The following HMGCLL1 variants were observed in gnomAD, a reference collection of about 807,000 sequenced individuals.
The protein encoded by HMGCLL1 is 3-hydroxymethyl-3-methylglutaryl-CoA lyase, cytoplasmic.
A neutral mutation model predicts 39.1 loss-of-function variants in HMGCLL1; 36 were observed. That is an observed-to-expected ratio of 0.92 (90% confidence interval 0.71 to 1.22). The LOEUF (loss-of-function observed/expected upper bound fraction) is 1.22, where lower values mean the gene tolerates loss of function less well. Among genes scored for constraint, HMGCLL1 ranks in the 50% most tolerant of loss-of-function variants. The probability of loss-of-function intolerance (pLI) is 0.00; values close to 1 mark genes in which losing one functional copy is unlikely to be tolerated. For missense variants in HMGCLL1, 451 were observed against 416.5 expected, an observed-to-expected ratio of 1.08 and a Z score of -0.72; for synonymous variants, 149 against 144.0, an observed-to-expected ratio of 1.03 and a Z score of -0.25.
the HMGCLL1 span, among the ~76,000 whole-genome samples, chr6:55,653,684 T>C: frequency 6.6e-6 from 1 of 151,932 alleles, no homozygotes; most frequent in Non-Finnish European, 1.5e-5. Flanking sequence ...GCAGAGCCCT[T>C]AAGGTATTAC....
At chr6:55,616,626 C>T in the HMGCLL1 span, among the ~76,000 whole-genome samples, 940 of 152,098 alleles carry the variant, frequency 6.2e-3, 13 homozygotes, top group African/African-American at 0.021. Context: ...GTAATGAGAT[C>T]GAATATTGAA....
At chr6:55,607,153 C>T in the HMGCLL1 span, among the ~76,000 whole-genome samples, 1 of 152,034 alleles carries the variant, frequency 6.6e-6, no homozygotes, top group Non-Finnish European at 1.5e-5. Context: ...TGTTGTTATG[C>T]TTTGAATGGA....
rs546873861 is a variant in HMGCLL1 at position 55,574,532 on chromosome 6, T to C, written c.108+4416A>G. Among the ~76,000 whole-genome samples, 8 of 151,808 alleles carry C rather than the reference T, an allele frequency of 5.3e-5. No individual in the cohort carries two copies. In the East Asian group the frequency reaches 1.2e-3, roughly 22 times the overall value. Reference sequence around the variant, plus strand: ...TAAGGGTATAGTAAAAAAAAGTATATCACTAACATGTCAATTCAGGGGGAA... The same window carrying C: ...TAAGGGTATAGTAAAAAAAAGTATACCACTAACATGTCAATTCAGGGGGAA... On this transcript the variant is annotated intron_variant, in intron 1 of 8. Transcript: ENST00000274901.
chr6:55,624,232 C>A, the HMGCLL1 span, among the ~76,000 whole-genome samples: 1 of 152,162 alleles, frequency 6.6e-6, no homozygotes, highest in Non-Finnish European at 1.5e-5. Flanking sequence ...CCATTCAACT[C>A]TCCCATTTGA....
the HMGCLL1 span, among the ~76,000 whole-genome samples, chr6:55,610,552 T>A: frequency 6.6e-6 from 1 of 152,034 alleles, no homozygotes; most frequent in Admixed American, 6.6e-5. Context: ...ACTGAACCTA[T>A]GACTGAATGG....
chr6:55,529,801 G>T (rs138682249), intron 3 of HMGCLL1, among the ~76,000 whole-genome samples: 2 of 151,838 alleles, frequency 1.3e-5, no homozygotes, highest in African/African-American at 4.8e-5. Flanking sequence ...TATGGTTATC[G>T]ATAGCAACTA....
At chr6:55,516,473 C>A in intron 4 of HMGCLL1, 35 bp downstream of exon 4, 1 of 1,282,162 alleles carries the variant, frequency 7.8e-7, no homozygotes, top group Non-Finnish European at 1.1e-6. Flanking sequence ...CGATAAGAGG[C>A]CTATCAATTT....
chr6:55,538,668 T>G (rs1254609251), intron 3 of HMGCLL1, among the ~76,000 whole-genome samples: 9 of 152,188 alleles, frequency 5.9e-5, no homozygotes, highest in African/African-American at 2.2e-4. Context: ...ATGGTATTGT[T>G]CTCTCAGACT....
chr6:55,602,048 A>C, the HMGCLL1 span, among the ~76,000 whole-genome samples: 1 of 151,982 alleles, frequency 6.6e-6, no homozygotes, highest in Admixed American at 6.6e-5. Context: ...ATTTTGATAA[A>C]ATGCCCCGTT....
At chr6:55,573,603 A>G (rs1301531309) in intron 1 of HMGCLL1, among the ~76,000 whole-genome samples, 1 of 152,142 alleles carries the variant, frequency 6.6e-6, no homozygotes, top group East Asian at 1.9e-4. Context: ...GAAATTACTG[A>G]AATGGAATAT....
chr6:55,670,258 C>A, the HMGCLL1 span, among the ~76,000 whole-genome samples: 1 of 151,642 alleles, frequency 6.6e-6, no homozygotes, highest in Non-Finnish European at 1.5e-5. Context: ...AAAAAAATAT[C>A]CTTCCATAAT....
Position 55,464,720 on chromosome 6 carries a change from C to A in HMGCLL1, c.796-25161G>T, listed in dbSNP as rs149155801. On this transcript the variant is annotated intron_variant, in intron 7 of 8. Transcript: ENST00000274901. ...TCCCCTACCCTCTCCTTCTTTCTAG[C>A]CTTTTTGGAATTACGTGTTTGCTAC... 6.6e-4 allele frequency among the ~76,000 whole-genome samples: 101 copies of A among 152,264 alleles called. 2 individuals are homozygous for A. In the East Asian group the frequency reaches 0.017, roughly 26 times the overall value.
At chr6:55,633,891 G>A in the HMGCLL1 span, among the ~76,000 whole-genome samples, 2 of 152,028 alleles carry the variant, frequency 1.3e-5, no homozygotes, top group East Asian at 1.9e-4. Flanking sequence ...TTGTTTTTAA[G>A]TCAAATTCCT....
At chr6:55,608,906 T>A in the HMGCLL1 span, among the ~76,000 whole-genome samples, 14 of 152,262 alleles carry the variant, frequency 9.2e-5, no homozygotes, top group African/African-American at 3.1e-4. Context: ...ACTGATTAGA[T>A]GGTTAGTGTG....
rs1770287647 is a variant in HMGCLL1 at position 55,550,838 on chromosome 6, TAGTA to T, written c.109-8702_109-8699del. Among the ~76,000 whole-genome samples, 7 of 151,588 alleles carry T rather than the reference TAGTA, an allele frequency of 4.6e-5. No homozygotes were observed. In the South Asian group the frequency reaches 1.2e-3, roughly 27 times the overall value. On this transcript the variant is annotated intron_variant, in intron 1 of 8. Transcript: ENST00000274901. ...AAAATTGCTGGGCACTACTGGCATC[TAGTA>T]GGGTAAAAATCTTACAATGCACAAG...
chr6:55,643,261 G>A, the HMGCLL1 span, among the ~76,000 whole-genome samples: 1 of 152,046 alleles, frequency 6.6e-6, no homozygotes, highest in Non-Finnish European at 1.5e-5. Context: ...TCCACCAATA[G>A]TGTGTAAGTG....
the HMGCLL1 span, among the ~76,000 whole-genome samples, chr6:55,675,486 AT>A: frequency 6.6e-6 from 1 of 152,172 alleles, no homozygotes; most frequent in African/African-American, 2.4e-5. Flanking sequence ...GTCAGTGGCC[AT>A]ATTCAAACTG....
the HMGCLL1 span, among the ~76,000 whole-genome samples, chr6:55,674,816 G>C: frequency 8.6e-5 from 13 of 152,020 alleles, no homozygotes; most frequent in Non-Finnish European, 1.6e-4. Context: ...ATGTCCAACA[G>C]CTGTTCTCTT....
In HMGCLL1 at chr6:55,499,341, T is replaced by C. The variant is rs767637683; in HGVS notation, c.543-42A>G. On this transcript the variant is annotated intron_variant, in intron 5 of 8. Coordinates refer to ENST00000274901, the MANE Select transcript of HMGCLL1 (RefSeq NM_001042406.2). ...GCCTTATAAATATGCATATGGTAAA[T>C]AAGCCATTTCCATTTTATAAAAATT... 70 of 1,404,168 alleles carry C rather than the reference T, an allele frequency of 5.0e-5. No homozygotes were observed. The East Asian group carries it at 1.6e-3, about 33-fold the overall frequency. The allele number at this position is 1,404,168 out of a possible 1,614,324, so 87.0% of individuals were successfully genotyped here. A position where few individuals can be genotyped will look rare whatever the true frequency, so the allele number is the denominator to read the frequency against.
Sources: gnomAD v4.1 joint callset for allele counts (sites outside exome capture counted in the v4.1 genomes callset) on GRCh38, gnomAD v4.1.1 for gene constraint, MANE v1.5 for transcripts, NCBI Gene and HGNC (gene_info 2026-07-23, HGNC 2026-07-21) for gene names.